Variants in TUNAR observed in about 807,000 individuals in gnomAD.
TUNAR encodes protein TUNAR.
At chr14:95,908,561 A>C (rs1889462495) in intron 2 of TUNAR, among the ~76,000 whole-genome samples, 1 of 152,190 alleles carries the variant, frequency 6.6e-6, no homozygotes, top group Non-Finnish European at 1.5e-5. Flanking sequence ...GAAGGATCTG[A>C]GCTTACTCTA....
intron 2 of TUNAR, among the ~76,000 whole-genome samples, chr14:95,885,284 G>A (rs947863267): frequency 1.4e-4 from 21 of 152,330 alleles, no homozygotes; most frequent in African/African-American, 4.8e-4. Flanking sequence ...TATTGACCAA[G>A]CCTTCACTGA....
chr14:95,908,632 T>A (rs1566790378), intron 2 of TUNAR, among the ~76,000 whole-genome samples: 1 of 152,226 alleles, frequency 6.6e-6, no homozygotes, highest in East Asian at 1.9e-4. Context: ...AGATTTTCCC[T>A]TGGTCACAGA....
intron 2 of TUNAR, among the ~76,000 whole-genome samples, chr14:95,922,216 C>A (rs1595128103): frequency 6.6e-6 from 1 of 152,356 alleles, no homozygotes; most frequent in Non-Finnish European, 1.5e-5. Flanking sequence ...GAGAATTTCT[C>A]ATGGCGTTAC....
intron 2 of TUNAR, among the ~76,000 whole-genome samples, chr14:95,900,338 G>A (rs756307561): frequency 3.3e-5 from 5 of 152,200 alleles, no homozygotes; most frequent in African/African-American, 4.8e-5. Context: ...GGAAAGGAGC[G>A]ATGAATTGTG....
exon 2 of TUNAR, chr14:95,876,957 A>T (rs1888892975): frequency 6.6e-6 from 1 of 152,280 alleles, no homozygotes; most frequent in Non-Finnish European, 1.5e-5. Flanking sequence ...GCAGACGGGG[A>T]CATGAGCAGC....
At chr14:95,910,686 C>T (rs1457711257) in intron 2 of TUNAR, among the ~76,000 whole-genome samples, 2 of 143,908 alleles carry the variant, frequency 1.4e-5, no homozygotes, top group Non-Finnish European at 3.0e-5. Context: ...GCCTGGCTGC[C>T]GTCTCCCTTG....
intron 2 of TUNAR, among the ~76,000 whole-genome samples, chr14:95,884,783 G>A (rs1889046922): frequency 6.6e-6 from 1 of 152,106 alleles, no homozygotes. Context: ...CAAACACTGC[G>A]GTCCCCACAA....
intron 2 of TUNAR, among the ~76,000 whole-genome samples, chr14:95,897,226 G>A (rs1204991080): frequency 1.3e-5 from 2 of 152,214 alleles, no homozygotes; most frequent in Admixed American, 6.5e-5. Context: ...CATCCAGACA[G>A]TGCATTGATC....
intron 2 of TUNAR, among the ~76,000 whole-genome samples, chr14:95,912,183 G>A (rs1271260835): frequency 2.6e-5 from 4 of 152,136 alleles, no homozygotes; most frequent in Non-Finnish European, 5.9e-5. Flanking sequence ...CTATGTTATA[G>A]AACATTTCTG....
At chr14:95,925,546 CAATA>C (rs1437202907) in exon 3 of TUNAR, 5 of 151,824 alleles carry the variant, frequency 3.3e-5, no homozygotes, top group African/African-American at 9.7e-5. Context: ...ACAGAATAAA[CAATA>C]AAGGTGCAAT....
chr14:95,879,177 G>C (rs1254595292), intron 2 of TUNAR, among the ~76,000 whole-genome samples: 1 of 152,166 alleles, frequency 6.6e-6, no homozygotes, highest in South Asian at 2.1e-4. Context: ...CGTTAATGGG[G>C]TTGTCATTGG....
chr14:95,923,027 C>T (rs147277250), exon 3 of TUNAR: 152 of 398,872 alleles, frequency 3.8e-4, no homozygotes, highest in African/African-American at 2.6e-3. Context: ...TGCGTGTCGG[C>T]GCATCACTGA....
intron 2 of TUNAR, among the ~76,000 whole-genome samples, chr14:95,884,688 A>G (rs982236561): frequency 1.3e-5 from 2 of 152,128 alleles, no homozygotes; most frequent in Admixed American, 6.5e-5. Flanking sequence ...GGGCTGGACT[A>G]TTAACTCAGC....
exon 3 of TUNAR, chr14:95,923,903 A>T (rs1889741047): frequency 1.3e-5 from 2 of 152,232 alleles, no homozygotes; most frequent in African/African-American, 4.8e-5. Context: ...ACTGAGAATT[A>T]TGCATGAATA....
At chr14:95,904,258 T>G (rs751764330) in intron 2 of TUNAR, among the ~76,000 whole-genome samples, 1 of 152,158 alleles carries the variant, frequency 6.6e-6, no homozygotes, top group Non-Finnish European at 1.5e-5. Context: ...GTGGTTGGCT[T>G]AGACTAGAAC....
At chr14:95,909,106 C>T (rs768033483) in intron 2 of TUNAR, among the ~76,000 whole-genome samples, 12 of 152,124 alleles carry the variant, frequency 7.9e-5, no homozygotes, top group Non-Finnish European at 7.3e-5. Context: ...AACGTGTTCT[C>T]GTTGAGCAAA....
chr14:95,909,469 G>A (rs1260513332), intron 2 of TUNAR, among the ~76,000 whole-genome samples: 1 of 152,026 alleles, frequency 6.6e-6, no homozygotes, highest in Admixed American at 6.5e-5. Context: ...ATTTTTAGTA[G>A]AGACGGGGTT....
intron 2 of TUNAR, among the ~76,000 whole-genome samples, chr14:95,918,518 A>G (rs576589213): frequency 8.5e-4 from 130 of 152,284 alleles, no homozygotes; most frequent in African/African-American, 2.7e-3. Flanking sequence ...CACACTCCCA[A>G]CGTGTTGTCT....
intron 2 of TUNAR, among the ~76,000 whole-genome samples, chr14:95,901,080 A>G (rs935802088): frequency 8.6e-5 from 13 of 151,860 alleles, no homozygotes; most frequent in Non-Finnish European, 1.6e-4. Flanking sequence ...TTCTAGCATC[A>G]TGTTTGAGAT....
Sources: allele counts gnomAD v4.1 joint callset (sites outside exome capture counted in the v4.1 genomes callset), GRCh38; gene constraint gnomAD v4.1.1; transcripts MANE v1.5; gene names NCBI Gene and HGNC (gene_info 2026-07-23, HGNC 2026-07-21).